Variants in PIGX observed in about 807,000 individuals in gnomAD.
The protein encoded by PIGX is phosphatidylinositol glycan anchor biosynthesis class X.
In PIGX, 24 loss-of-function variants were observed where a neutral mutation model predicts 28.7. That is an observed-to-expected ratio of 0.84 (90% confidence interval 0.60 to 1.17). PIGX has a LOEUF of 1.17. Ranked by LOEUF, PIGX falls within the 50% of genes most tolerant of loss-of-function variation. PIGX has a pLI of 0.00. For synonymous variants in PIGX, 127 were observed against 121.0 expected, an observed-to-expected ratio of 1.05 and a Z score of -0.33; for missense variants, 305 against 317.8, an observed-to-expected ratio of 0.96 and a Z score of 0.31.
In PIGX at chr3:196,730,990, A is replaced by G. The variant is rs1433684009; in HGVS notation, c.533-2A>G. The G allele has an allele frequency of 1.3e-6, 2 of 1,596,742 alleles. No individual in the cohort carries two copies. The highest frequency in any genetic ancestry group is 2.2e-5 in the East Asian group (1 of 44,732). ...GACATCATTTTCTACCACTTTTCTC[A>G]GAGTTCCCGATTTTGAAATGCTGGG... On this transcript the variant is annotated splice_acceptor_variant, in intron 4 of 5. Coordinates refer to ENST00000392391, the MANE Select transcript of PIGX (RefSeq NM_017861.4). LOFTEE classifies it high-confidence loss of function.
chr3:196,722,656 T>C, intron 3 of PIGX, 100 bp downstream of exon 3: 4 of 1,040,108 alleles, frequency 3.8e-6, no homozygotes, highest in Non-Finnish European at 5.8e-6. Flanking sequence ...TTTGTTAAAG[T>C]GTATAAAGTG....
Position 196,735,966 on chromosome 3 carries a change from T to C in PIGX, c.*2064T>C, listed in dbSNP as rs766457342. 2.0e-5 allele frequency: 3 copies of C among 152,206 alleles called. No homozygotes were observed. Among genetic ancestry groups the C allele is most frequent in the Non-Finnish European group, 2.9e-5 (2 of 68,038 alleles). 9.4% of individuals were successfully genotyped at this position (152,206 alleles called of 1,614,324 possible). On this transcript the variant is annotated 3_prime_UTR_variant, in exon 6 of 6. Coordinates refer to ENST00000392391, the MANE Select transcript of PIGX (RefSeq NM_017861.4). The stretch of plus-strand genomic sequence containing the variant: ...TGTGGTTCAGCCATTTACTCACTTA[T>C]ACAAATATTCAGAAGTGTAATAAAA...
intron 2 of PIGX, among the ~76,000 whole-genome samples, chr3:196,720,179 A>G (rs1000201572): frequency 6.6e-6 from 1 of 152,198 alleles, no homozygotes; most frequent in Non-Finnish European, 1.5e-5. Flanking sequence ...TTCGTTTTGT[A>G]CAACTGAAAC....
At chr3:196,732,303 A>C in intron 5 of PIGX, among the ~76,000 whole-genome samples, 1 of 96,330 alleles carries the variant, frequency 1.0e-5, no homozygotes. Context: ...TTTTTTTGAG[A>C]CGGAGTCTCG....
Position 196,733,966 on chromosome 3 carries a change from GT to G in PIGX, c.*66del. 2.0e-6 allele frequency: 2 copies of G among 1,024,116 alleles called. No homozygotes were observed. The highest frequency in any genetic ancestry group is 3.0e-6 in the Non-Finnish European group (2 of 666,244). 63.4% of individuals were successfully genotyped at this position (1,024,116 alleles called of 1,614,324 possible). ...GATCTATTAATTTCTGACGAGAGGT[GT>G]TCTTCTAGAATTAATTACTTTTATC... is the stretch of plus-strand genomic sequence containing the variant. On this transcript the variant is annotated 3_prime_UTR_variant, in exon 6 of 6. Coordinates refer to ENST00000392391, the MANE Select transcript of PIGX (RefSeq NM_017861.4). The surrounding 1 kb of genome is among the most constrained non-coding windows in gnomAD (Gnocchi z 4.3).
intron 1 of PIGX, among the ~76,000 whole-genome samples, chr3:196,715,753 C>T (rs1712071917): frequency 6.7e-6 from 1 of 149,082 alleles, no homozygotes; most frequent in Admixed American, 6.6e-5. Flanking sequence ...GGTGCAGTCT[C>T]TGCTCACTGC....
chr3:196,714,042 C>T (rs1711976131), intron 1 of PIGX, among the ~76,000 whole-genome samples: 1 of 152,208 alleles, frequency 6.6e-6, no homozygotes, highest in South Asian at 2.1e-4. Flanking sequence ...CAATGATCAA[C>T]TGCTGTCTGG....
chr3:196,712,639 A>G lies in PIGX; in HGVS notation c.107A>G (p.Asp36Gly). 8.4e-7 allele frequency: 1 copy of G among 1,188,412 alleles called. No homozygotes were observed. Among genetic ancestry groups the G allele is most frequent in the Non-Finnish European group, 1.0e-6 (1 of 960,046 alleles). 73.6% of individuals were successfully genotyped at this position (1,188,412 alleles called of 1,614,324 possible). Reference sequence around the variant, plus strand: ...GCGGCCTTCACCGCCGCGCGCTCTGACGCCGGTAAGGGGGGCGGGGCTTGG... The same window carrying G: ...GCGGCCTTCACCGCCGCGCGCTCTGGCGCCGGTAAGGGGGGCGGGGCTTGG... The change falls in exon 1 of 6, where the codon GAC becomes GGC. Residue 36 changes from aspartate (D) to glycine (G), a missense_variant. Asp to Gly is a moderately conservative substitution (Grantham distance 94, BLOSUM62 -1). Transcript: ENST00000392391.
At chr3:196,726,627 G>A (rs769849972) in intron 3 of PIGX, 1 of 455,350 alleles carries the variant, frequency 2.2e-6, no homozygotes, top group South Asian at 1.6e-5. Context: ...TGAGAACCCA[G>A]GAGAACTGTG....
intron 4 of PIGX, chr3:196,728,818 T>G: frequency 1.3e-6 from 1 of 762,620 alleles, no homozygotes; most frequent in Non-Finnish European, 2.4e-6. Flanking sequence ...TATGTGTTTC[T>G]TTTTGCAGCC....
At chr3:196,721,082 C>T (rs1279620034) in intron 2 of PIGX, 1 of 270,262 alleles carries the variant, frequency 3.7e-6, no homozygotes, top group African/African-American at 2.3e-5. Context: ...TGGTTGGCTT[C>T]TTGGATTTGT....
In PIGX at chr3:196,733,452, C is replaced by T. The variant is rs1467165819; in HGVS notation, c.634-307C>T. 6.6e-6 allele frequency among the ~76,000 whole-genome samples: 1 copy of T among 151,648 alleles called. No homozygotes were observed. Among genetic ancestry groups the T allele is most frequent in the Non-Finnish European group, 1.5e-5 (1 of 67,948 alleles). On this transcript the variant is annotated intron_variant, in intron 5 of 5. Coordinates refer to ENST00000392391, the MANE Select transcript of PIGX (RefSeq NM_017861.4). This position sits in a 1 kb window ranked among gnomAD's most constrained non-coding sequence, Gnocchi z 4.3. ...TTGAGACAGAGTCTTCCTCTGTCTC[C>T]CAGGCTGGAGTACAGTGGCACGATC...
In PIGX at chr3:196,731,057, G is replaced by A; in HGVS notation, c.598G>A (p.Asp200Asn). 6.2e-7 allele frequency: 1 copy of A among 1,607,908 alleles called. No individual in the cohort carries two copies. Among genetic ancestry groups the A allele is most frequent in the African/African-American group, 1.3e-5 (1 of 74,902 alleles). ...AGCCCCTTGTGCTTTGGAGAATGAG[G>A]ATATCTGCCAATGGAACAAGATGAA... is the stretch of plus-strand genomic sequence containing the variant. Residue 200 changes from aspartate (D) to asparagine (N), a missense_variant, in exon 5 of 6, where the codon GAT becomes AAT. Asp to Asn is a conservative substitution (Grantham distance 23). Transcript: ENST00000392391.
At chr3:196,716,171 T>C (rs1712090514) in intron 1 of PIGX, among the ~76,000 whole-genome samples, 1 of 151,974 alleles carries the variant, frequency 6.6e-6, no homozygotes, top group Non-Finnish European at 1.5e-5. Context: ...ACAGCTTGAG[T>C]GTCTGGAATC....
At chr3:196,715,475 C>G (rs1475021776) in intron 1 of PIGX, among the ~76,000 whole-genome samples, 2 of 152,200 alleles carry the variant, frequency 1.3e-5, no homozygotes, top group Non-Finnish European at 2.9e-5. Flanking sequence ...AGTTAAAACA[C>G]ATATGAAAGC....
At chr3:196,719,083 C>T (rs947224157) in intron 2 of PIGX, among the ~76,000 whole-genome samples, 1 of 151,932 alleles carries the variant, frequency 6.6e-6, no homozygotes, top group African/African-American at 2.4e-5. Flanking sequence ...GCATATAGTT[C>T]AGGGTGGCCA....
chr3:196,734,006 T>G lies in PIGX; in HGVS notation c.*104T>G. ...ATTACTTTTATCTTTTGTCTTCATTTGTGGCCAAAATTATGTTTACTAGAG... is the reference window on the plus strand; with the variant it reads ...ATTACTTTTATCTTTTGTCTTCATTGGTGGCCAAAATTATGTTTACTAGAG... On this transcript the variant is annotated 3_prime_UTR_variant, in exon 6 of 6. Transcript: ENST00000392391. 1.0e-5 allele frequency: 8 copies of G among 787,090 alleles called. No homozygotes were observed. The highest frequency in any genetic ancestry group is 1.6e-5 in the Non-Finnish European group (8 of 485,562). The allele number at this position is 787,090 out of a possible 1,614,324, so 48.8% of individuals were successfully genotyped here.
intron 2 of PIGX, among the ~76,000 whole-genome samples, chr3:196,719,924 C>T (rs1444418772): frequency 6.6e-6 from 1 of 152,066 alleles, no homozygotes; most frequent in African/African-American, 2.4e-5. Context: ...CGATTACAGG[C>T]GCCTGCCACC....
At chr3:196,712,822 G>A in intron 1 of PIGX, 178 bp downstream of exon 1, 1 of 1,101,336 alleles carries the variant, frequency 9.1e-7, no homozygotes, top group Non-Finnish European at 1.1e-6. Context: ...TTGCTCTGCG[G>A]CGGATCCCGG....
Sources: allele counts gnomAD v4.1 joint callset (sites outside exome capture counted in the v4.1 genomes callset), GRCh38; gene constraint gnomAD v4.1.1; non-coding constraint Gnocchi (gnomAD v3.1); transcripts MANE v1.5; gene names NCBI Gene and HGNC (gene_info 2026-07-23, HGNC 2026-07-21).